The following ERBB2 variants were observed in gnomAD, a reference collection of about 807,000 sequenced individuals.
ERBB2 encodes the protein receptor tyrosine-protein kinase erbB-2.
Under a neutral mutation model 149.0 loss-of-function variants are expected in ERBB2, and 61 were observed. That is an observed-to-expected ratio of 0.41 (90% CI 0.33 to 0.51). The LOEUF is 0.51. Among genes scored for constraint, ERBB2 ranks in the 20% least tolerant of loss-of-function variants. ERBB2 has a pLI of 0.25. For missense variants in ERBB2, 1,205 were observed against 1,655.1 expected (o/e 0.73, Z 4.72); for synonymous variants, 633 against 678.8 (o/e 0.93, Z 1.05).
chr17:39,723,880 C>T lies in ERBB2; in HGVS notation c.2209-32C>T, dbSNP rs2059586910. 1.3e-6 allele frequency: 2 copies of T among 1,574,660 alleles called. No individual in the cohort carries two copies. The highest frequency in any genetic ancestry group is 1.7e-6 in the Non-Finnish European group (2 of 1,144,428). ...AGGCAGGTAGGATCCAGCCCACGCT[C>T]TTCTCACTCATATCCTCCTCTTTCT... On this transcript the variant is annotated intron_variant, in intron 18 of 26. Coordinates refer to ENST00000269571, the MANE Select transcript of ERBB2 (RefSeq NM_004448.4). This position sits in a 1 kb window ranked among gnomAD's most constrained non-coding sequence, Gnocchi z 6.2.
rs2145677678 is a variant in ERBB2, at chr17:39,716,373, T to C, written c.1586T>C (p.Val529Ala). Reference protein sequence around the residue: ...HCWGPGPTQCVNCSQFLRGQE... With the variant: ...HCWGPGPTQCANCSQFLRGQE... ...TGGGGTCCAGGGCCCACCCAGTGTG[T>C]CAACTGCAGCCAGTTCCTTCGGGGC... Residue 529 changes from valine to alanine, a missense_variant, in exon 13 of 27, where the codon GTC (valine) becomes GCC (alanine). Transcript: ENST00000269571. The C allele has an allele frequency of 1.2e-6, 2 of 1,609,110 alleles. No homozygotes were observed. Among genetic ancestry groups the C allele is most frequent in the South Asian group, 1.1e-5 (1 of 90,672 alleles).
Position 39,725,594 on chromosome 17 carries a change from A to C in ERBB2, c.2726-113A>C. Reference sequence around the variant, plus strand: ...GACCGGGTAGGGTCTGTCTCCTGGCATCACATCTCCCCCTGCTACCTGCCA... The same window carrying C: ...GACCGGGTAGGGTCTGTCTCCTGGCCTCACATCTCCCCCTGCTACCTGCCA... On this transcript the variant is annotated intron_variant, in intron 22 of 26. Transcript: ENST00000269571. The surrounding 1 kb of genome is among the most constrained non-coding windows in gnomAD (Gnocchi z 4.6). 7.6e-7 allele frequency: 1 copy of C among 1,315,306 alleles called. No homozygotes were observed. Among genetic ancestry groups the C allele is most frequent in the Admixed American group, 2.2e-5 (1 of 44,894 alleles). 81.5% of individuals were successfully genotyped at this position (1,315,306 alleles called of 1,614,324 possible). A position where few individuals can be genotyped will look rare whatever the true frequency, so the allele number is the denominator to read the frequency against.
At chr17:39,694,004 G>A (rs1319552113), upstream of ERBB2, among the ~76,000 whole-genome samples, 9 of 147,694 alleles carry the variant, frequency 6.1e-5, no homozygotes, top group Non-Finnish European at 1.0e-4. Flanking sequence ...TGGCCAACAC[G>A]GAGAAACGCT....
chr17:39,726,922 C>G lies in ERBB2; in HGVS notation c.3078C>G (p.Pro1026=), dbSNP rs4252655. 1 of 1,613,692 alleles carries G rather than the reference C, an allele frequency of 6.2e-7. No homozygotes were observed. The highest frequency in any genetic ancestry group is 1.3e-5 in the African/African-American group (1 of 74,878). ...DLVDAEEYLV[P]QQGFFCPDPA... is the part of the protein sequence containing the mutation. ...TGGATGCTGAGGAGTATCTGGTACC[C>G]CAGCAGGGCTTCTTCTGTCCAGACC... Residue 1026 remains proline (P), a synonymous_variant, in exon 25 of 27, where the codon CCC becomes CCG. Transcript: ENST00000269571. This position sits in a 1 kb window ranked among gnomAD's most constrained non-coding sequence, Gnocchi z 5.1.
chr17:39,706,936 G>C (rs2145399687), intron 1 of ERBB2, 54 bp from the exon 2 acceptor site: 1 of 1,464,468 alleles, frequency 6.8e-7, no homozygotes, highest in East Asian at 2.6e-5. Context: ...GGGTGGCCAG[G>C]TCTGAGAAGG....
chr17:39,697,361 T>TG (rs1189553230), upstream of ERBB2, among the ~76,000 whole-genome samples: 80 of 150,400 alleles, frequency 5.3e-4, 1 homozygote, highest in African/African-American at 1.9e-3. Context: ...TTTGTTTTTT[T>TG]TTTTTTTTTT....
chr17:39,693,593 A>G (rs1376023580), upstream of ERBB2, among the ~76,000 whole-genome samples: 5 of 151,688 alleles, frequency 3.3e-5, no homozygotes, highest in South Asian at 8.3e-4. Flanking sequence ...GCAATCCTCT[A>G]CTAAAAATAC....
At chr17:39,697,207 G>A (rs546192021), upstream of ERBB2, among the ~76,000 whole-genome samples, 1 of 152,262 alleles carries the variant, frequency 6.6e-6, no homozygotes, top group African/African-American at 2.4e-5. Context: ...CAGAAGGGCT[G>A]CTGTGTTCCA....
chr17:39,699,876 G>T, upstream of ERBB2: 1 of 679,902 alleles, frequency 1.5e-6, no homozygotes, highest in Admixed American at 3.6e-5. Context: ...GGCGCTAGGA[G>T]GGACGCACCC....
chr17:39,711,818 C>A, intron 7 of ERBB2, 110 bp from the exon 8 acceptor site: 1 of 1,289,352 alleles, frequency 7.8e-7, no homozygotes, highest in African/African-American at 1.5e-5. Context: ...CGTGGTAGGG[C>A]ATTTAAGTAT....
At position 39,725,859 on chromosome 17, in the gene ERBB2, T is replaced by C; in HGVS notation, c.2872+6T>C. On this transcript the variant is annotated splice_donor_region_variant and intron_variant, in intron 23 of 26. Coordinates refer to ENST00000269571, the MANE Select transcript of ERBB2 (RefSeq NM_004448.4). The surrounding 1 kb of genome is among the most constrained non-coding windows in gnomAD (Gnocchi z 4.6). ...CTACATGATCATGGTCAAATGTGCG[T>C]GGCTGAGCTGTGCTGGCTGCCTGGA... 1 of 1,613,614 alleles carries C rather than the reference T, an allele frequency of 6.2e-7. No individual in the cohort carries two copies. Among genetic ancestry groups the C allele is most frequent in the Non-Finnish European group, 8.5e-7 (1 of 1,179,826 alleles).
At position 39,709,882 on chromosome 17, in the gene ERBB2, G is replaced by T. The variant is rs113170070; in HGVS notation, c.643+1G>T. On this transcript the variant is annotated splice_donor_variant, in intron 5 of 26. Coordinates refer to ENST00000269571, the MANE Select transcript of ERBB2 (RefSeq NM_004448.4). LOFTEE classifies it high-confidence loss of function. ...GAGAGTTCTGAGGATTGTCAGAGCC[G>T]TGAGTCTCAGGGAGGCCTGGAGTCA... The T allele has an allele frequency of 6.2e-7, 1 of 1,613,228 alleles. No homozygotes were observed. Among genetic ancestry groups the T allele is most frequent in the African/African-American group, 1.3e-5 (1 of 75,034 alleles).
intron 15 of ERBB2, chr17:39,717,722 C>T (rs1191821579): frequency 2.5e-6 from 1 of 395,822 alleles, no homozygotes; most frequent in Admixed American, 4.1e-5. Context: ...TGTGCACATT[C>T]TAATATGTAT....
chr17:39,711,809 G>A (rs1005613626), intron 7 of ERBB2, 119 bp from the exon 8 acceptor site: 106 of 1,196,598 alleles, frequency 8.9e-5, no homozygotes, highest in Admixed American at 2.8e-4. Context: ...GTGCTGATGC[G>A]TGGTAGGGCA....
intron 2 of ERBB2, among the ~76,000 whole-genome samples, chr17:39,689,277 A>G (rs1212737742): frequency 6.6e-6 from 1 of 152,078 alleles, no homozygotes; most frequent in East Asian, 1.9e-4. Context: ...CAGCATTCAC[A>G]TTGCCTTTTC....
intron 9 of ERBB2, 116 bp downstream of exon 9, chr17:39,712,564 C>A: frequency 7.8e-7 from 1 of 1,283,390 alleles, no homozygotes; most frequent in Non-Finnish European, 1.1e-6. Context: ...ATCAAGAATG[C>A]AAAGAAAGCA....
intron 2 of ERBB2, among the ~76,000 whole-genome samples, chr17:39,689,908 A>C (rs1318313057): frequency 6.6e-6 from 1 of 151,774 alleles, no homozygotes; most frequent in Admixed American, 6.6e-5. Context: ...CTCAAAAAAA[A>C]AAAAAAAAAG....
Position 39,708,500 on chromosome 17 carries a change from A to G in ERBB2, c.405A>G (p.Gly135=), listed in dbSNP as rs2058597472. Reference sequence around the variant, plus strand: ...CCCCTGTCACAGGGGCCTCCCCAGGAGGCCTGCGGGAGCTGCAGCTTCGAA... The same window carrying G: ...CCCCTGTCACAGGGGCCTCCCCAGGGGGCCTGCGGGAGCTGCAGCTTCGAA... ...NTTPVTGASP[G]GLRELQLRSL... Residue 135 remains glycine (G), a synonymous_variant, in exon 3 of 27, where the codon GGA becomes GGG. Transcript: ENST00000269571. The G allele has an allele frequency of 6.2e-7, 1 of 1,613,996 alleles. No individual in the cohort carries two copies. Among genetic ancestry groups the G allele is most frequent in the Non-Finnish European group, 8.5e-7 (1 of 1,179,996 alleles).
chr17:39,688,104 C>T, upstream of ERBB2: 1 of 1,175,398 alleles, frequency 8.5e-7, no homozygotes, highest in Non-Finnish European at 1.1e-6. Flanking sequence ...GTTCTTTATT[C>T]TACTCTCCGC....
Sources: gnomAD v4.1 joint callset for allele counts (sites outside exome capture counted in the v4.1 genomes callset) on GRCh38, gnomAD v4.1.1 for gene constraint, Gnocchi (gnomAD v3.1) non-coding constraint, MANE v1.5 for transcripts, NCBI Gene and HGNC (gene_info 2026-07-23, HGNC 2026-07-21) for gene names.